KCNIP1: variants seen among roughly 807,000 people sequenced by gnomAD.
The protein encoded by KCNIP1 is A-type potassium channel modulatory protein KCNIP1.
In KCNIP1, 18 loss-of-function variants were observed where a neutral mutation model predicts 33.0. The observed-to-expected ratio is 0.55, with a 90% confidence interval of 0.38 to 0.81. The LOEUF (loss-of-function observed/expected upper bound fraction) is 0.81, where lower values mean the gene tolerates loss of function less well. KCNIP1 is among the 30% of genes least tolerant of loss of function. The pLI is 0.00. For synonymous variants in KCNIP1, 93 were observed against 98.3 expected, an observed-to-expected ratio of 0.95 and a Z score of 0.32; for missense variants, 238 against 271.6, an observed-to-expected ratio of 0.88 and a Z score of 0.87.
intron 1 of KCNIP1, among the ~76,000 whole-genome samples, chr5:170,475,932 C>T (rs972255721): frequency 2.6e-5 from 4 of 151,432 alleles, no homozygotes; most frequent in Admixed American, 2.0e-4. Flanking sequence ...TTTCTGGGGT[C>T]AGGGAGAAGA....
rs375921089 is a variant in KCNIP1, at chr5:170,561,393, C to T, written c.61+56760C>T. On this transcript the variant is annotated intron_variant, in intron 1 of 7. Transcript: ENST00000328939. ...GGCTAAAGTGGCTTTAAGAGCACTC[C>T]GGAGGGGGAGGACTCTTGGAACAGA... 2.5e-4 allele frequency among the ~76,000 whole-genome samples: 38 copies of T among 152,164 alleles called. No individual in the cohort carries two copies. In the East Asian group the frequency reaches 2.7e-3, roughly 11 times the overall value.
chr5:170,546,301 C>G (rs1408490264), intron 1 of KCNIP1, among the ~76,000 whole-genome samples: 1 of 152,196 alleles, frequency 6.6e-6, no homozygotes, highest in Non-Finnish European at 1.5e-5. Flanking sequence ...GGAATGTTGT[C>G]TCCTAAGTCC....
chr5:170,515,442 A>G (rs1247311072), intron 1 of KCNIP1, among the ~76,000 whole-genome samples: 2 of 151,510 alleles, frequency 1.3e-5, no homozygotes, highest in African/African-American at 4.9e-5. Flanking sequence ...CCTTCCCCTG[A>G]AGAAGAAGCT....
At chr5:170,404,447 T>C (rs971769056) in intron 1 of KCNIP1, among the ~76,000 whole-genome samples, 12 of 152,260 alleles carry the variant, frequency 7.9e-5, no homozygotes, top group African/African-American at 2.6e-4. Flanking sequence ...GCTGAGTGGT[T>C]CTTCTGGGCT....
At chr5:170,579,977 A>G (rs1757732725) in intron 1 of KCNIP1, among the ~76,000 whole-genome samples, 1 of 152,142 alleles carries the variant, frequency 6.6e-6, no homozygotes, top group African/African-American at 2.4e-5. Context: ...AGGAAAGAAA[A>G]AAAAAAAACA....
intron 1 of KCNIP1, among the ~76,000 whole-genome samples, chr5:170,488,860 G>C (rs949547531): frequency 6.6e-6 from 1 of 152,194 alleles, no homozygotes; most frequent in Non-Finnish European, 1.5e-5. Context: ...AGAAGGGAGA[G>C]AATTTACACA....
At chr5:170,595,208 T>G (rs1329023338) in intron 1 of KCNIP1, among the ~76,000 whole-genome samples, 1 of 151,878 alleles carries the variant, frequency 6.6e-6, no homozygotes, top group Non-Finnish European at 1.5e-5. Context: ...TGGGGTGGGG[T>G]TTAAAAATGG....
intron 1 of KCNIP1, among the ~76,000 whole-genome samples, chr5:170,567,240 A>G (rs1418853604): frequency 1.3e-5 from 2 of 152,192 alleles, no homozygotes; most frequent in Non-Finnish European, 2.9e-5. Flanking sequence ...CAGGGAGACC[A>G]GGGGTGCTGC....
chr5:170,500,821 C>G (rs993262805), upstream of KCNIP1, among the ~76,000 whole-genome samples: 2 of 152,188 alleles, frequency 1.3e-5, no homozygotes, highest in African/African-American at 4.8e-5. Flanking sequence ...ATGTAAATAT[C>G]TGGTACATGG....
chr5:170,372,440 C>T (rs956648402), intron 1 of KCNIP1, among the ~76,000 whole-genome samples: 3 of 152,122 alleles, frequency 2.0e-5, no homozygotes, highest in Admixed American at 6.5e-5. Flanking sequence ...GGTGATTAAA[C>T]TCAACCTCCA....
intron 1 of KCNIP1, among the ~76,000 whole-genome samples, chr5:170,682,108 G>C (rs1256177430): frequency 7.4e-4 from 113 of 152,282 alleles, no homozygotes; most frequent in Non-Finnish European, 1.2e-4. Flanking sequence ...TGCATTTGTA[G>C]ACAAAGGACT....
chr5:170,626,421 G>GC (rs796668630), intron 1 of KCNIP1, among the ~76,000 whole-genome samples: 1 of 152,132 alleles, frequency 6.6e-6, no homozygotes, highest in Admixed American at 6.5e-5. Flanking sequence ...AAGGCAGTCT[G>GC]CCCCCCTCCC....
intron 1 of KCNIP1, among the ~76,000 whole-genome samples, chr5:170,634,889 C>A (rs1352228757): frequency 6.6e-6 from 1 of 152,222 alleles, no homozygotes; most frequent in African/African-American, 2.4e-5. Flanking sequence ...ACCCTTAAAT[C>A]ACAAACTAGA....
At chr5:170,634,256 C>G (rs1460034339) in intron 1 of KCNIP1, among the ~76,000 whole-genome samples, 8 of 152,156 alleles carry the variant, frequency 5.3e-5, no homozygotes, top group African/African-American at 1.9e-4. Flanking sequence ...TGGGAGATAT[C>G]TAAGTGGAGA....
At chr5:170,391,527 G>A (rs1487242081) in intron 1 of KCNIP1, among the ~76,000 whole-genome samples, 1 of 152,216 alleles carries the variant, frequency 6.6e-6, no homozygotes, top group Non-Finnish European at 1.5e-5. Flanking sequence ...ATGGCTACAG[G>A]TGGAGGGCAA....
intron 1 of KCNIP1, among the ~76,000 whole-genome samples, chr5:170,556,873 G>T (rs1340620895): frequency 6.6e-6 from 1 of 152,238 alleles, no homozygotes; most frequent in Non-Finnish European, 1.5e-5. Flanking sequence ...GGGAATTCTT[G>T]CTGGTCTGTA....
chr5:170,397,234 A>G (rs973117574), intron 1 of KCNIP1, among the ~76,000 whole-genome samples: 1 of 152,158 alleles, frequency 6.6e-6, no homozygotes, highest in African/African-American at 2.4e-5. Context: ...CATTCAGTCA[A>G]TCAAGCGGCT....
At chr5:170,646,197 C>A (rs993620841) in intron 1 of KCNIP1, among the ~76,000 whole-genome samples, 1 of 152,142 alleles carries the variant, frequency 6.6e-6, no homozygotes, top group African/African-American at 2.4e-5. Context: ...TCTCTACAAT[C>A]TCTTCTAGAA....
intron 1 of KCNIP1, among the ~76,000 whole-genome samples, chr5:170,552,261 G>T (rs1431846489): frequency 1.3e-5 from 2 of 152,220 alleles, no homozygotes; most frequent in Non-Finnish European, 1.5e-5. Context: ...CATGTTTGTT[G>T]CAAGTCTGTG....
Sources: allele counts gnomAD v4.1 joint callset (sites outside exome capture counted in the v4.1 genomes callset), GRCh38; gene constraint gnomAD v4.1.1; transcripts MANE v1.5; gene names NCBI Gene and HGNC (gene_info 2026-07-23, HGNC 2026-07-21).